Variants in POLN observed in about 807,000 individuals in gnomAD.
The protein encoded by POLN is DNA polymerase N.
POLN carries 108 observed loss-of-function variants against 113.5 expected under a neutral mutation model. That is an observed-to-expected ratio of 0.95 (90% CI 0.81 to 1.12). The LOEUF (loss-of-function observed/expected upper bound fraction) is 1.12, where lower values mean the gene tolerates loss of function less well. Ranked by LOEUF, POLN falls within the 50% of genes most tolerant of loss-of-function variation. POLN has a pLI of 0.00. For synonymous variants in POLN, 386 were observed against 391.5 expected (o/e 0.99, Z 0.17); for missense variants, 1,097 against 1,077.1 (o/e 1.02, Z -0.26).
chr4:2,144,956 G>A (rs1263917188), intron 16 of POLN, among the ~76,000 whole-genome samples: 1 of 152,170 alleles, frequency 6.6e-6, no homozygotes, highest in Admixed American at 6.5e-5. Flanking sequence ...TATGGAAATA[G>A]ACCAAAGGCA....
intron 20 of POLN, chr4:2,089,338 G>T: frequency 7.2e-7 from 1 of 1,391,506 alleles, no homozygotes; most frequent in Non-Finnish European, 9.9e-7. Context: ...TATTCCTGGT[G>T]AAGACTGACA....
intron 3 of POLN, among the ~76,000 whole-genome samples, chr4:2,213,958 G>A (rs557181240): frequency 2.0e-5 from 3 of 152,128 alleles, no homozygotes; most frequent in Non-Finnish European, 4.4e-5. Context: ...AGCTTAGGCC[G>A]GGCGTGGTGA....
intron 3 of POLN, among the ~76,000 whole-genome samples, chr4:2,219,101 G>A (rs1734190580): frequency 6.6e-6 from 1 of 152,196 alleles, no homozygotes; most frequent in Non-Finnish European, 1.5e-5. Context: ...GCCAGTACCT[G>A]AGGGTTCTTC....
intron 4 of POLN, among the ~76,000 whole-genome samples, chr4:2,210,893 C>T (rs1733976938): frequency 7.0e-6 from 1 of 143,380 alleles, no homozygotes. Context: ...TGCACTCCTG[C>T]CTTGGTGACA....
intron 16 of POLN, among the ~76,000 whole-genome samples, chr4:2,155,150 T>C (rs748535743): frequency 1.3e-5 from 2 of 152,172 alleles, no homozygotes; most frequent in Non-Finnish European, 2.9e-5. Context: ...AACTCTTAGA[T>C]AAGAAGTATC....
chr4:2,218,237 C>G lies in POLN; in HGVS notation c.134-5111G>C, dbSNP rs111673972. Among the ~76,000 whole-genome samples the G allele has an allele frequency of 4.8e-3, 722 of 150,382 alleles. 8 individuals carry two copies. The highest frequency in any genetic ancestry group is 0.017 in the African/African-American group (679 of 40,600). Reference sequence around the variant, plus strand: ...ATCTAAGGTCGGGAGTTCGAGACCACCCTGACCAACATGGAGAAAGCCCGT... The same window carrying G: ...ATCTAAGGTCGGGAGTTCGAGACCAGCCTGACCAACATGGAGAAAGCCCGT... On this transcript the variant is annotated intron_variant, in intron 3 of 25. Transcript: ENST00000511885.
At chr4:2,147,357 C>T (rs543316872) in intron 16 of POLN, among the ~76,000 whole-genome samples, 1 of 152,306 alleles carries the variant, frequency 6.6e-6, no homozygotes, top group African/African-American at 2.4e-5. Context: ...TCAACACCTT[C>T]CCATGAGGAG....
intron 16 of POLN, among the ~76,000 whole-genome samples, chr4:2,151,663 G>A (rs940347033): frequency 6.6e-6 from 1 of 152,224 alleles, no homozygotes; most frequent in African/African-American, 2.4e-5. Flanking sequence ...CTGAAACACA[G>A]AGCAACGTAG....
At chr4:2,080,885 C>T (rs997415211) in intron 23 of POLN, 73 bp downstream of exon 23, 88 of 1,608,566 alleles carry the variant, frequency 5.5e-5, no homozygotes, top group South Asian at 7.7e-5. Flanking sequence ...ATCAGAATCA[C>T]GAGCCCCGAG....
At chr4:2,086,286 G>T (rs1056196771) in intron 20 of POLN, among the ~76,000 whole-genome samples, 4 of 152,138 alleles carry the variant, frequency 2.6e-5, no homozygotes, top group African/African-American at 7.2e-5. Context: ...ATCAGCCTGG[G>T]CAACAAAGTA....
Position 2,241,774 on chromosome 4 carries a change from T to C in POLN, c.-267A>G. 1 of 985,458 alleles carries C rather than the reference T, an allele frequency of 1.0e-6. No individual in the cohort carries two copies. Among genetic ancestry groups the C allele is most frequent in the Non-Finnish European group, 1.2e-6 (1 of 829,944 alleles). The allele number at this position is 985,458 out of a possible 1,614,324, so 61.0% of individuals were successfully genotyped here. On this transcript the variant is annotated 5_prime_UTR_variant, in exon 2 of 26. Coordinates refer to ENST00000511885, the MANE Select transcript of POLN (RefSeq NM_181808.4). ...ACCTTCCTTCGGAGGGTCACCCAGC[T>C]GTGACACCTAAGCACGCTGACAAAA... is the stretch of plus-strand genomic sequence containing the variant.
chr4:2,161,654 C>T (rs551469), intron 13 of POLN, among the ~76,000 whole-genome samples: 113,580 of 151,808 alleles, frequency 0.75, 45,261 homozygotes, highest in Non-Finnish European at 0.89. Context: ...GGAGTGCGGG[C>T]GCACGGCACC....
intron 13 of POLN, among the ~76,000 whole-genome samples, chr4:2,163,026 C>CA (rs1732637072): frequency 3.1e-4 from 6 of 19,278 alleles, no homozygotes; most frequent in African/African-American, 4.8e-4. Flanking sequence ...TCAGTTCCTA[C>CA]CAAAAAAAAA....
At chr4:2,161,035 C>CTCTT (rs1057009786) in intron 13 of POLN, among the ~76,000 whole-genome samples, 3 of 152,228 alleles carry the variant, frequency 2.0e-5, no homozygotes, top group African/African-American at 7.2e-5. Flanking sequence ...CTCTCTCCCT[C>CTCTT]TCTTTCTTTT....
At chr4:2,234,978 C>T (rs573527277) in intron 2 of POLN, among the ~76,000 whole-genome samples, 141 of 152,276 alleles carry the variant, frequency 9.3e-4, no homozygotes, top group African/African-American at 3.2e-3. Flanking sequence ...CTTTGCCTCC[C>T]GGGTTCAAGG....
intron 24 of POLN, 30 bp from the exon 25 acceptor site, chr4:2,073,059 C>A (rs777408748): frequency 1.6e-5 from 26 of 1,609,274 alleles, no homozygotes; most frequent in Middle Eastern, 1.6e-4. Flanking sequence ...GGAGGCCCTG[C>A]TGGTCTCTTG....
At chr4:2,083,672 G>A (rs928573339) in intron 21 of POLN, among the ~76,000 whole-genome samples, 9 of 152,340 alleles carry the variant, frequency 5.9e-5, no homozygotes, top group Admixed American at 1.3e-4. Flanking sequence ...CAATGCTCCT[G>A]GAAGCCACTC....
rs751284860 is a variant in POLN at position 2,157,893 on chromosome 4, T to C, written c.1630A>G (p.Thr544Ala). The C allele has an allele frequency of 5.0e-6, 8 of 1,608,026 alleles. No individual in the cohort carries two copies. Among genetic ancestry groups the C allele is most frequent in the African/African-American group, 4.0e-5 (3 of 74,866 alleles). Residue 544 changes from threonine to alanine, a missense_variant, in exon 15 of 26, where the codon ACC becomes GCC. Thr to Ala is a moderately conservative substitution (Grantham distance 58). Transcript: ENST00000511885. ...EYRQVHKIKS[T>A]FVDGLLACMK... ...CAAGCTAGTAATCCATCTACAAAGG[T>C]TGACTTGATCTTGTGAACCTAAGGT...
At chr4:2,091,800 T>TGTGTGTGTGC (rs577896956) in intron 20 of POLN, among the ~76,000 whole-genome samples, 23 of 144,846 alleles carry the variant, frequency 1.6e-4, no homozygotes, top group African/African-American at 5.1e-5. Flanking sequence ...TGTGTGTGTG[T>TGTGTGTGTGC]GCGCGCGCTA....
Sources: gnomAD v4.1 joint callset for allele counts (sites outside exome capture counted in the v4.1 genomes callset) on GRCh38, gnomAD v4.1.1 for gene constraint, MANE v1.5 for transcripts, NCBI Gene and HGNC (gene_info 2026-07-23, HGNC 2026-07-21) for gene names.